The following FBXW11 variants were observed in gnomAD, a reference collection of about 807,000 sequenced individuals.
The protein encoded by FBXW11 is F-box and WD repeat domain containing 11, also known as F-box/WD repeat-containing protein 11.
In FBXW11, 19 loss-of-function variants were observed where a neutral mutation model predicts 77.6. That is an observed-to-expected ratio of 0.24 (90% CI 0.17 to 0.36). The LOEUF (loss-of-function observed/expected upper bound fraction) is 0.36. Among genes scored for constraint, FBXW11 ranks in the 10% least tolerant of loss-of-function variants. FBXW11 has a pLI of 1.00. For synonymous variants in FBXW11, 235 were observed against 249.4 expected, an observed-to-expected ratio of 0.94 and a Z score of 0.54; for missense variants, 334 against 704.2, an observed-to-expected ratio of 0.47 and a Z score of 5.95.
intron 2 of FBXW11, among the ~76,000 whole-genome samples, chr5:171,954,424 T>G (rs982283399): frequency 3.9e-5 from 6 of 152,126 alleles, no homozygotes; most frequent in Middle Eastern, 3.4e-3. Context: ...ATTCCTAGAG[T>G]CCAACACATA....
chr5:171,875,881 C>T (rs1758047774), intron 9 of FBXW11, among the ~76,000 whole-genome samples: 1 of 152,196 alleles, frequency 6.6e-6, no homozygotes, highest in Admixed American at 6.5e-5. Context: ...AGCTCTGCCA[C>T]TAACTAGCTG....
At chr5:171,918,688 G>A (rs368931241) in intron 2 of FBXW11, among the ~76,000 whole-genome samples, 15 of 152,176 alleles carry the variant, frequency 9.9e-5, no homozygotes, top group East Asian at 9.6e-4. Context: ...CTAGGAAGAA[G>A]AAGCTAGACT....
At chr5:171,997,264 A>C (rs990905958) in intron 1 of FBXW11, among the ~76,000 whole-genome samples, 1 of 152,200 alleles carries the variant, frequency 6.6e-6, no homozygotes, top group African/African-American at 2.4e-5. Flanking sequence ...CAAATAATGG[A>C]ACATCCCTAA....
intron 13 of FBXW11, among the ~76,000 whole-genome samples, chr5:171,867,284 A>G (rs1203709871): frequency 6.6e-6 from 1 of 152,222 alleles, no homozygotes. Flanking sequence ...TGAAGCACAA[A>G]AACAGCCACA....
chr5:171,919,549 AAAG>A (rs1761453894), intron 2 of FBXW11, among the ~76,000 whole-genome samples: 1 of 152,234 alleles, frequency 6.6e-6, no homozygotes, highest in Non-Finnish European at 1.5e-5. Context: ...AAGTAGCTCC[AAAG>A]AAGAATAGAG....
At chr5:171,954,584 G>A (rs1458332986) in intron 2 of FBXW11, among the ~76,000 whole-genome samples, 1 of 152,132 alleles carries the variant, frequency 6.6e-6, no homozygotes, top group Non-Finnish European at 1.5e-5. Flanking sequence ...GACATCTGAG[G>A]CAAATGAAAC....
At chr5:171,874,524 C>T (rs1035247751) in intron 9 of FBXW11, among the ~76,000 whole-genome samples, 2 of 152,028 alleles carry the variant, frequency 1.3e-5, no homozygotes, top group Non-Finnish European at 2.9e-5. Flanking sequence ...GTTTAGCTTC[C>T]CAGCTATCCA....
intron 9 of FBXW11, among the ~76,000 whole-genome samples, chr5:171,875,888 G>C (rs1011587918): frequency 3.3e-5 from 5 of 152,138 alleles, no homozygotes; most frequent in African/African-American, 1.2e-4. Flanking sequence ...CCACTAACTA[G>C]CTGTGATGAT....
At chr5:172,005,865 A>G (rs567839948) in intron 1 of FBXW11, among the ~76,000 whole-genome samples, 4 of 152,144 alleles carry the variant, frequency 2.6e-5, no homozygotes, top group South Asian at 2.1e-4. Flanking sequence ...GGACACCACA[A>G]GGGCCCGGGA....
At chr5:171,986,770 T>C (rs771550305) in intron 1 of FBXW11, among the ~76,000 whole-genome samples, 2 of 151,894 alleles carry the variant, frequency 1.3e-5, no homozygotes, top group Non-Finnish European at 2.9e-5. Context: ...ACATAAAATA[T>C]GTTTGTGAAG....
At chr5:171,884,129 G>A (rs868828155) in intron 7 of FBXW11, among the ~76,000 whole-genome samples, 1 of 152,320 alleles carries the variant, frequency 6.6e-6, no homozygotes, top group Middle Eastern at 3.4e-3. Context: ...ATGTCTAGAA[G>A]GGTTTTTCCA....
rs1444889861 is a variant in FBXW11, at chr5:171,862,596, T to C, written c.*1531A>G. ...TTGAATAAGGGAGAAGGAGTGCCAATTGGATGCCAACGTCCTTTCCATGCA... is the reference window on the plus strand; with the variant it reads ...TTGAATAAGGGAGAAGGAGTGCCAACTGGATGCCAACGTCCTTTCCATGCA... On this transcript the variant is annotated 3_prime_UTR_variant, in exon 14 of 14. Coordinates refer to ENST00000517395, the MANE Select transcript of FBXW11 (RefSeq NM_001378974.1). 1.3e-5 allele frequency: 2 copies of C among 152,642 alleles called. No individual in the cohort carries two copies. The highest frequency in any genetic ancestry group is 2.9e-5 in the Non-Finnish European group (2 of 68,034). The allele number at this position is 152,642 out of a possible 1,614,324, so 9.5% of individuals were successfully genotyped here. A position where few individuals can be genotyped will look rare whatever the true frequency, so the allele number is the denominator to read the frequency against.
At chr5:171,926,305 G>A (rs968715826) in intron 2 of FBXW11, among the ~76,000 whole-genome samples, 3 of 152,322 alleles carry the variant, frequency 2.0e-5, no homozygotes, top group Admixed American at 6.5e-5. Context: ...AAACTGAGGT[G>A]AAAACAGGGC....
intron 1 of FBXW11, among the ~76,000 whole-genome samples, chr5:171,995,178 A>G (rs1185124563): frequency 6.6e-6 from 1 of 152,220 alleles, no homozygotes; most frequent in Non-Finnish European, 1.5e-5. Flanking sequence ...ACAATGCCTT[A>G]CTTGTAAGGA....
intron 2 of FBXW11, among the ~76,000 whole-genome samples, chr5:171,917,083 G>A (rs748655303): frequency 2.4e-4 from 36 of 152,092 alleles, no homozygotes; most frequent in Non-Finnish European, 4.4e-4. Context: ...ACCATGCCCA[G>A]CTAATTTTTG....
rs545358977 is a variant in FBXW11, at chr5:171,925,606, A to G, written c.148-11201T>C. On this transcript the variant is annotated intron_variant, in intron 2 of 13. Transcript: ENST00000517395. ...AGCAATCTTCCAGCCTCAGCCTCCC[A>G]AGTAGCTGGGACCACAGGTGCATGC... Among the ~76,000 whole-genome samples, 4 of 152,152 alleles carry G rather than the reference A, an allele frequency of 2.6e-5. No homozygotes were observed. In the East Asian group the frequency reaches 7.7e-4, roughly 29 times the overall value.
At chr5:171,963,674 T>C (rs1252669658) in intron 1 of FBXW11, among the ~76,000 whole-genome samples, 1 of 151,976 alleles carries the variant, frequency 6.6e-6, no homozygotes, top group Non-Finnish European at 1.5e-5. Context: ...AACACAGAGA[T>C]GGAGGTGGAG....
At chr5:171,873,899 T>C (rs1164057586) in intron 9 of FBXW11, among the ~76,000 whole-genome samples, 1 of 152,050 alleles carries the variant, frequency 6.6e-6, no homozygotes, top group Non-Finnish European at 1.5e-5. Flanking sequence ...GATAAATAGA[T>C]CTCCACAAGT....
intron 2 of FBXW11, among the ~76,000 whole-genome samples, chr5:171,948,292 T>C (rs963415942): frequency 7.1e-5 from 10 of 140,108 alleles, no homozygotes; most frequent in African/African-American, 2.7e-4. Context: ...TAAACCTATA[T>C]AAAAACAAAA....
Sources: allele counts gnomAD v4.1 joint callset (sites outside exome capture counted in the v4.1 genomes callset), GRCh38; gene constraint gnomAD v4.1.1; transcripts MANE v1.5; gene names NCBI Gene and HGNC (gene_info 2026-07-23, HGNC 2026-07-21).